SUSD6: variants seen among roughly 807,000 people sequenced by gnomAD.
The protein encoded by SUSD6 is sushi domain-containing protein 6.
Under a neutral mutation model 28.4 loss-of-function variants are expected in SUSD6, and 16 were observed. That is an observed-to-expected ratio of 0.56 (90% CI 0.38 to 0.86). The LOEUF is 0.86. Ranked by LOEUF, SUSD6 falls within the 40% of genes least tolerant of loss-of-function variation. The pLI, the probability that SUSD6 is intolerant of heterozygous loss-of-function variation, is 0.00. For missense variants in SUSD6, 341 were observed against 384.2 expected (o/e 0.89, Z 0.94); for synonymous variants, 147 against 159.6 (o/e 0.92, Z 0.59).
intron 1 of SUSD6, among the ~76,000 whole-genome samples, chr14:69,639,960 T>TTTG (rs1162590545): frequency 2.8e-5 from 4 of 141,002 alleles, no homozygotes; most frequent in Non-Finnish European, 3.0e-5. Context: ...TACACTGTTT[T>TTTG]TTTTTTTTTT....
intron 2 of SUSD6, among the ~76,000 whole-genome samples, chr14:69,678,696 G>A (rs1318809956): frequency 1.3e-5 from 2 of 152,100 alleles, no homozygotes; most frequent in African/African-American, 4.8e-5. Context: ...CCAGCTCTTC[G>A]GGAGGGTGAG....
intron 2 of SUSD6, 34 bp downstream of exon 2, chr14:69,658,747 G>T: frequency 6.2e-7 from 1 of 1,613,506 alleles, no homozygotes; most frequent in Middle Eastern, 1.7e-4. Flanking sequence ...GTGTGGGTGG[G>T]AAAATATTTA....
intron 1 of SUSD6, among the ~76,000 whole-genome samples, chr14:69,629,760 TA>T (rs889983201): frequency 1.3e-5 from 2 of 152,218 alleles, no homozygotes; most frequent in African/African-American, 2.4e-5. Flanking sequence ...CAACCAACCC[TA>T]AAGTCAGTGC....
intron 1 of SUSD6, among the ~76,000 whole-genome samples, chr14:69,635,253 G>A (rs1885247127): frequency 1.3e-5 from 2 of 152,170 alleles, no homozygotes; most frequent in South Asian, 4.1e-4. Context: ...CTGCCCAAAG[G>A]TACACTTTAG....
At chr14:69,626,724 A>T (rs1885120250) in intron 1 of SUSD6, among the ~76,000 whole-genome samples, 1 of 151,914 alleles carries the variant, frequency 6.6e-6, no homozygotes, top group South Asian at 2.1e-4. Context: ...CTGTTGCCCA[A>T]ATTGGAGTGC....
chr14:69,671,551 C>T (rs1210036441), intron 2 of SUSD6, among the ~76,000 whole-genome samples: 1 of 152,218 alleles, frequency 6.6e-6, no homozygotes, highest in Non-Finnish European at 1.5e-5. Context: ...TGGGTCTTAT[C>T]TGGCGTCACA....
rs60710453 is a variant in SUSD6 at position 69,686,908 on chromosome 14, A to G, written c.122-16487A>G. ...TGTATTAATTAATGCTTTTCCCCAC[A>G]TGTTGTACTCATTTATATGCTAATT... On this transcript the variant is annotated intron_variant, in intron 2 of 5. Coordinates refer to ENST00000342745, the MANE Select transcript of SUSD6 (RefSeq NM_014734.4). 1.2e-3 allele frequency among the ~76,000 whole-genome samples: 180 copies of G among 152,308 alleles called. 4 individuals are homozygous for G. In the East Asian group the frequency reaches 0.03, roughly 25 times the overall value.
intron 2 of SUSD6, among the ~76,000 whole-genome samples, chr14:69,694,752 C>G (rs1886200268): frequency 6.6e-6 from 1 of 152,158 alleles, no homozygotes; most frequent in Non-Finnish European, 1.5e-5. Context: ...TGCTTGTTGG[C>G]TCTGAGGCCT....
chr14:69,677,264 C>G (rs1243679230), intron 2 of SUSD6, among the ~76,000 whole-genome samples: 1 of 152,144 alleles, frequency 6.6e-6, no homozygotes, highest in Non-Finnish European at 1.5e-5. Flanking sequence ...TACTCTGTTA[C>G]GCCGGGCGTG....
At chr14:69,641,919 TTA>T (rs554122506) in intron 1 of SUSD6, among the ~76,000 whole-genome samples, 30 of 152,296 alleles carry the variant, frequency 2.0e-4, no homozygotes, top group African/African-American at 7.2e-4. Context: ...CAAATATTCT[TTA>T]TGACTTTTCT....
chr14:69,634,345 G>A (rs1885233923), intron 1 of SUSD6, among the ~76,000 whole-genome samples: 1 of 152,112 alleles, frequency 6.6e-6, no homozygotes, highest in Admixed American at 6.5e-5. Flanking sequence ...GGGAGTTTGG[G>A]GATTTGAATG....
intron 2 of SUSD6, among the ~76,000 whole-genome samples, chr14:69,693,444 G>A (rs778290211): frequency 1.1e-4 from 16 of 152,090 alleles, no homozygotes; most frequent in Admixed American, 7.2e-4. Flanking sequence ...AAAAGGAGCC[G>A]GCTTATTACT....
chr14:69,629,569 T>C (rs1215541225), intron 1 of SUSD6, among the ~76,000 whole-genome samples: 2 of 152,230 alleles, frequency 1.3e-5, no homozygotes. Flanking sequence ...TGTTTCCCTC[T>C]GAGTGACCTC....
chr14:69,646,314 T>A (rs1885425304), intron 1 of SUSD6, among the ~76,000 whole-genome samples: 1 of 152,222 alleles, frequency 6.6e-6, no homozygotes, highest in East Asian at 1.9e-4. Context: ...TTCCTCAGTA[T>A]GCCCATTATA....
At chr14:69,639,456 C>T (rs1215486360) in intron 1 of SUSD6, among the ~76,000 whole-genome samples, 3 of 151,746 alleles carry the variant, frequency 2.0e-5, no homozygotes, top group South Asian at 2.1e-4. Context: ...GTTACATGTC[C>T]AGAATCACAG....
In SUSD6 at chr14:69,713,549, G is replaced by C. The variant is rs1000240998; in HGVS notation, c.*2570G>C. ...CATCAGCCATGTGCTGCTATTTCTA[G>C]GGCTTCTGGGCTTTGTCCCTTACTG... On this transcript the variant is annotated 3_prime_UTR_variant, in exon 6 of 6. Coordinates refer to ENST00000342745, the MANE Select transcript of SUSD6 (RefSeq NM_014734.4). The C allele has an allele frequency of 1.3e-5, 2 of 152,278 alleles. No individual in the cohort carries two copies. The highest frequency in any genetic ancestry group is 2.9e-5 in the Non-Finnish European group (2 of 68,086). 9.4% of individuals were successfully genotyped at this position (152,278 alleles called of 1,614,324 possible). A position where few individuals can be genotyped will look rare whatever the true frequency, so the allele number is the denominator to read the frequency against.
chr14:69,627,468 G>GTTAT (rs1231525019), intron 1 of SUSD6, among the ~76,000 whole-genome samples: 3 of 152,188 alleles, frequency 2.0e-5, no homozygotes, highest in East Asian at 1.9e-4. Flanking sequence ...TTAAACAGAT[G>GTTAT]TTATTTATTT....
chr14:69,640,531 T>G (rs922274635), intron 1 of SUSD6, among the ~76,000 whole-genome samples: 2 of 152,086 alleles, frequency 1.3e-5, no homozygotes, highest in Non-Finnish European at 2.9e-5. Context: ...AGAGACAGGG[T>G]CTCACTCTGT....
chr14:69,692,024 G>A (rs1303814769), intron 2 of SUSD6, among the ~76,000 whole-genome samples: 9 of 146,688 alleles, frequency 6.1e-5, no homozygotes, highest in Non-Finnish European at 1.0e-4. Context: ...GGGTGACAGA[G>A]TGAGACTCCG....
Sources: allele counts gnomAD v4.1 joint callset (sites outside exome capture counted in the v4.1 genomes callset), GRCh38; gene constraint gnomAD v4.1.1; transcripts MANE v1.5; gene names NCBI Gene and HGNC (gene_info 2026-07-23, HGNC 2026-07-21).